Variants in ZNF503 observed in about 807,000 individuals in gnomAD.
The protein encoded by ZNF503 is zinc finger protein 503.
A neutral mutation model predicts 34.4 loss-of-function variants in ZNF503; 15 were observed. That is an observed-to-expected ratio of 0.44 (90% CI 0.29 to 0.67). The LOEUF is 0.67. Ranked by LOEUF, ZNF503 falls within the 30% of genes least tolerant of loss-of-function variation. The pLI is 0.13. For missense variants in ZNF503, 1,007 were observed against 926.8 expected, an observed-to-expected ratio of 1.09 and a Z score of -1.12; for synonymous variants, 580 against 456.8, an observed-to-expected ratio of 1.27 and a Z score of -3.44.
the ZNF503 span, among the ~76,000 whole-genome samples, chr10:75,352,819 T>C: frequency 2.0e-5 from 3 of 152,186 alleles, no homozygotes; most frequent in Non-Finnish European, 2.9e-5. Flanking sequence ...GAGTGAGTCA[T>C]CAAGGACAGC....
At chr10:75,310,680 T>G in the ZNF503 span, among the ~76,000 whole-genome samples, 1 of 152,196 alleles carries the variant, frequency 6.6e-6, no homozygotes, top group Non-Finnish European at 1.5e-5. Flanking sequence ...AGTACCTTCC[T>G]GCAGTCTAGT....
At chr10:75,370,778 C>CAAAAAAAAAAAAAAAAAAAAAAAAAAAA in the ZNF503 span, among the ~76,000 whole-genome samples, 2 of 67,974 alleles carry the variant, frequency 2.9e-5, no homozygotes, top group African/African-American at 5.9e-5. Flanking sequence ...GGCTCCATCT[C>CAAAAAAAAAAAAAAAAAAAAAAAAAAAA]AAAAAAAAAA....
In ZNF503 at chr10:75,399,908, C is replaced by T; in HGVS notation, c.782G>A (p.Gly261Asp). The T allele has an allele frequency of 6.2e-7, 1 of 1,605,020 alleles. No homozygotes were observed. The highest frequency in any genetic ancestry group is 8.5e-7 in the Non-Finnish European group (1 of 1,177,958). ...GKDDKKDTDV[G>D]GGGKGTGGAS... is the part of the protein sequence containing the mutation. ...GCCCCCGGTGCCCTTGCCACCGCCG[C>T]CCACGTCGGTGTCTTTCTTGTCGTC... is the stretch of plus-strand genomic sequence containing the variant. Residue 261 changes from glycine to aspartate, a missense_variant, in exon 2 of 2, where the codon GGC becomes GAC. Physicochemically the swap from Gly to Asp is moderately conservative, Grantham distance 94. Coordinates refer to ENST00000372524, the MANE Select transcript of ZNF503 (RefSeq NM_032772.6).
chr10:75,293,465 C>T, the ZNF503 span, among the ~76,000 whole-genome samples: 2 of 152,182 alleles, frequency 1.3e-5, no homozygotes, highest in African/African-American at 4.8e-5. Context: ...CTTTTCTTCA[C>T]ACCTGAGCTG....
At chr10:75,369,741 GAA>G in the ZNF503 span, among the ~76,000 whole-genome samples, 2 of 152,102 alleles carry the variant, frequency 1.3e-5, no homozygotes, top group African/African-American at 4.8e-5. Context: ...TGTTACTGAA[GAA>G]GTAAGATATG....
the ZNF503 span, among the ~76,000 whole-genome samples, chr10:75,367,332 T>C: frequency 2.0e-5 from 3 of 152,164 alleles, no homozygotes; most frequent in East Asian, 3.8e-4. Context: ...TAACTTGATA[T>C]TGCAGGATGC....
At chr10:75,357,344 T>G in the ZNF503 span, among the ~76,000 whole-genome samples, 5 of 140,530 alleles carry the variant, frequency 3.6e-5, no homozygotes, top group East Asian at 5.9e-4. Context: ...ATAGTGAGGC[T>G]CCATCTTTAC....
the ZNF503 span, among the ~76,000 whole-genome samples, chr10:75,324,656 T>C: frequency 6.6e-6 from 1 of 152,228 alleles, no homozygotes; most frequent in Non-Finnish European, 1.5e-5. Flanking sequence ...ATTATATCTG[T>C]ATATATATTT....
chr10:75,397,399 G>A (rs954656607), downstream of ZNF503, among the ~76,000 whole-genome samples: 7 of 152,132 alleles, frequency 4.6e-5, no homozygotes, highest in Admixed American at 2.0e-4. Flanking sequence ...GCCCCAGCGC[G>A]CTGCCCCACG....
chr10:75,344,007 A>G, the ZNF503 span, among the ~76,000 whole-genome samples: 10 of 152,170 alleles, frequency 6.6e-5, no homozygotes, highest in African/African-American at 2.2e-4. Flanking sequence ...AGGAAGATGG[A>G]AAGTTCACAT....
the ZNF503 span, among the ~76,000 whole-genome samples, chr10:75,294,601 C>T: frequency 6.6e-6 from 1 of 152,118 alleles, no homozygotes; most frequent in African/African-American, 2.4e-5. Context: ...ACAGAACGGA[C>T]GTGGCCCAGA....
chr10:75,370,778 CAAAAAAAAAAAAAAAAA>C, the ZNF503 span, among the ~76,000 whole-genome samples: 79 of 67,970 alleles, frequency 1.2e-3, 1 homozygote, highest in South Asian at 3.3e-3. Context: ...GGCTCCATCT[CAAAAAAAAAAAAAAAAA>C]AAAAAAAAAA....
chr10:75,332,682 C>T, the ZNF503 span, among the ~76,000 whole-genome samples: 4 of 147,494 alleles, frequency 2.7e-5, no homozygotes, highest in Non-Finnish European at 6.0e-5. Flanking sequence ...TGACTCTTAA[C>T]GAGCATGCTG....
chr10:75,334,460 A>G, the ZNF503 span, among the ~76,000 whole-genome samples: 55,860 of 151,978 alleles, frequency 0.37, 10,528 homozygotes, highest in Middle Eastern at 0.39. Context: ...GGTAAGTCTT[A>G]TAATTTCTTA....
the ZNF503 span, among the ~76,000 whole-genome samples, chr10:75,309,895 T>C: frequency 6.6e-6 from 1 of 152,236 alleles, no homozygotes; most frequent in Non-Finnish European, 1.5e-5. Context: ...CTTTAATTCA[T>C]TTCGAGTTAA....
chr10:75,284,809 A>G, the ZNF503 span, among the ~76,000 whole-genome samples: 2 of 152,204 alleles, frequency 1.3e-5, no homozygotes, highest in African/African-American at 2.4e-5. Context: ...TACAATTACT[A>G]TTAGCTGGGG....
the ZNF503 span, among the ~76,000 whole-genome samples, chr10:75,388,937 CA>C: frequency 1.3e-5 from 2 of 152,308 alleles, no homozygotes; most frequent in South Asian, 2.1e-4. Flanking sequence ...AAGTTTCCCA[CA>C]TTAAGCATGT....
At chr10:75,383,997 G>T in the ZNF503 span, among the ~76,000 whole-genome samples, 1 of 152,348 alleles carries the variant, frequency 6.6e-6, no homozygotes, top group South Asian at 2.1e-4. Flanking sequence ...CTTCAAAGGT[G>T]ATTAGGAGAC....
At chr10:75,383,449 G>A in the ZNF503 span, among the ~76,000 whole-genome samples, 4 of 152,122 alleles carry the variant, frequency 2.6e-5, no homozygotes, top group African/African-American at 9.7e-5. Context: ...AGGGTCCTGG[G>A]AGACCAGGGC....
Sources: gnomAD v4.1 joint callset for allele counts (sites outside exome capture counted in the v4.1 genomes callset) on GRCh38, gnomAD v4.1.1 for gene constraint, MANE v1.5 for transcripts, NCBI Gene and HGNC (gene_info 2026-07-23, HGNC 2026-07-21) for gene names.